Variants in SNUPN observed in about 807,000 individuals in gnomAD.
SNUPN encodes the protein snurportin 1, also known as snurportin-1.
In SNUPN, 31 loss-of-function variants were observed where a neutral mutation model predicts 39.2. The ratio of observed to expected loss-of-function variants is 0.79; its 90% CI spans 0.59 to 1.07. The LOEUF (loss-of-function observed/expected upper bound fraction) is 1.07, where lower values mean the gene tolerates loss of function less well. SNUPN is among the 50% of genes least tolerant of loss of function. The probability of loss-of-function intolerance (pLI) is 0.00; values close to 1 mark genes in which losing one functional copy is unlikely to be tolerated. For synonymous variants in SNUPN, 132 were observed against 159.0 expected (o/e 0.83, Z 1.28); for missense variants, 382 against 434.2 (o/e 0.88, Z 1.07).
chr15:75,605,441 C>T (rs1177305089), intron 6 of SNUPN: 7 of 377,408 alleles, frequency 1.9e-5, no homozygotes, highest in Admixed American at 4.3e-5. Context: ...GCTGGGACTA[C>T]AGGCGCCCAC....
At position 75,621,262 on chromosome 15, in the gene SNUPN, C is replaced by CTT. The variant is rs67400161; in HGVS notation, c.-5-208_-5-207dup. 7.6e-3 allele frequency among the ~76,000 whole-genome samples: 1,047 copies of CTT among 137,586 alleles called. 17 individuals are homozygous for CTT. Among genetic ancestry groups the CTT allele is most frequent in the African/African-American group, 0.023 (847 of 36,846 alleles). The allele number at this position is 137,586 out of a possible 152,430, so 90.3% of individuals were successfully genotyped here. On this transcript the variant is annotated intron_variant, in intron 1 of 8. Transcript: ENST00000308588. Reference sequence around the variant, plus strand: ...AACATTATTTTCCTACAGATATTTCCTTTTTTTTTTTTTTTTGAGACAGGG... The same window carrying CTT: ...AACATTATTTTCCTACAGATATTTCCTTTTTTTTTTTTTTTTTTGAGACAGGG...
rs2075257202 is a variant in SNUPN at position 75,598,299 on chromosome 15, TCCAGGATTCCTTTTGGGG to T, written c.*41_*58del. ...GTCACCTGTTGTCACTGTCCTCCTC[TCCAGGATTCCTTTTGGGG>T]CCAGGTACCATCCTGTGGCTCCTTA... On this transcript the variant is annotated 3_prime_UTR_variant, in exon 9 of 9. Transcript: ENST00000308588. 1.1e-5 allele frequency: 16 copies of T among 1,411,784 alleles called. 1 individual carries two copies. The South Asian group carries it at 2.1e-4, about 19-fold the overall frequency. 87.5% of individuals were successfully genotyped at this position (1,411,784 alleles called of 1,614,324 possible).
At chr15:75,602,541 A>AT (rs1483864307) in intron 7 of SNUPN, among the ~76,000 whole-genome samples, 41 of 151,798 alleles carry the variant, frequency 2.7e-4, no homozygotes, top group African/African-American at 8.9e-4. Flanking sequence ...AAAAAAAAAA[A>AT]ATATTACTGA....
At chr15:75,621,106 T>C (rs927831927) in intron 1 of SNUPN, 50 bp from the exon 2 acceptor site, 1 of 1,569,734 alleles carries the variant, frequency 6.4e-7, no homozygotes, top group African/African-American at 1.4e-5. Flanking sequence ...TATCATCTCC[T>C]GTATACAGAC....
chr15:75,602,573 T>G (rs930691998), intron 7 of SNUPN, among the ~76,000 whole-genome samples: 2 of 151,380 alleles, frequency 1.3e-5, no homozygotes, highest in African/African-American at 4.9e-5. Flanking sequence ...TACTCTGAGA[T>G]TCTGACTGAA....
intron 3 of SNUPN, among the ~76,000 whole-genome samples, chr15:75,610,226 C>T (rs1224007249): frequency 1.3e-5 from 2 of 151,662 alleles, no homozygotes; most frequent in Admixed American, 6.6e-5. Flanking sequence ...AGTGAAATCT[C>T]GTCTCTACTA....
In SNUPN at chr15:75,617,515, C is replaced by T; in HGVS notation, c.196G>A (p.Ala66Thr). The T allele has an allele frequency of 6.2e-7, 1 of 1,614,030 alleles. No homozygotes were observed. Among genetic ancestry groups the T allele is most frequent in the Non-Finnish European group, 8.5e-7 (1 of 1,180,002 alleles). ...LDYVNHARRL[A>T]EDDWTGMESE... ...TCCATCCCTGTCCAGTCATCTTCAG[C>T]CAGTCTTCTGGCATGGTTCACATAA... Residue 66 changes from alanine (A) to threonine (T), a missense_variant, in exon 3 of 9, where the codon GCT becomes ACT. Ala to Thr is a moderately conservative substitution (Grantham distance 58). Coordinates refer to ENST00000308588, the MANE Select transcript of SNUPN (RefSeq NM_005701.4).
intron 3 of SNUPN, among the ~76,000 whole-genome samples, chr15:75,615,823 T>A (rs891976534): frequency 6.6e-6 from 1 of 151,660 alleles, no homozygotes; most frequent in Non-Finnish European, 1.5e-5. Context: ...TTAGCCAGGA[T>A]GGTCTCGATC....
intron 2 of SNUPN, among the ~76,000 whole-genome samples, chr15:75,617,754 G>T (rs1892973528): frequency 6.6e-6 from 1 of 152,086 alleles, no homozygotes; most frequent in South Asian, 2.1e-4. Flanking sequence ...GCTAATTTTT[G>T]TATTTTTTGT....
chr15:75,608,077 G>T (rs1259137288), intron 5 of SNUPN, among the ~76,000 whole-genome samples: 1 of 152,056 alleles, frequency 6.6e-6, no homozygotes, highest in Admixed American at 6.6e-5. Context: ...GGTACTAAAC[G>T]CCAACAGAGA....
In SNUPN at chr15:75,601,219, C is replaced by G. The variant is rs774049450; in HGVS notation, c.679-1G>C. On this transcript the variant is annotated splice_acceptor_variant, in intron 7 of 8. Coordinates refer to ENST00000308588, the MANE Select transcript of SNUPN (RefSeq NM_005701.4). LOFTEE classifies it high-confidence loss of function. ...AGTTCTTTAGCCCCACAAATTTAAA[C>G]TGAAATAGAAATTAGAACAAGGAAT... is the stretch of plus-strand genomic sequence containing the variant. 1 of 1,604,932 alleles carries G rather than the reference C, an allele frequency of 6.2e-7. No homozygotes were observed. Among genetic ancestry groups the G allele is most frequent in the Non-Finnish European group, 8.5e-7 (1 of 1,171,898 alleles).
intron 3 of SNUPN, among the ~76,000 whole-genome samples, chr15:75,610,400 C>CAA (rs540383128): frequency 1.5e-4 from 9 of 61,102 alleles, no homozygotes; most frequent in Admixed American, 1.9e-4. Flanking sequence ...AACTCTGTCT[C>CAA]AAAAAAAAAA....
At chr15:75,609,484 C>T (rs1040302181) in intron 5 of SNUPN, 74 bp downstream of exon 5, 52 of 1,225,646 alleles carry the variant, frequency 4.2e-5, no homozygotes, top group African/African-American at 7.4e-5. Flanking sequence ...CCACCGCGCC[C>T]GGCCCAAAGT....
chr15:75,626,078 CG>C, upstream of SNUPN: 1 of 152,344 alleles, frequency 6.6e-6, no homozygotes, highest in South Asian at 2.1e-4. Context: ...CAGATCTTCC[CG>C]GGCCTTAGGG....
At chr15:75,621,719 C>T (rs1040667073) in intron 1 of SNUPN, among the ~76,000 whole-genome samples, 1 of 152,022 alleles carries the variant, frequency 6.6e-6, no homozygotes, top group Non-Finnish European at 1.5e-5. Flanking sequence ...TTCTAGGGTC[C>T]CTGGAGGAAG....
In SNUPN at chr15:75,618,054, C is replaced by T. The variant is rs1275939627; in HGVS notation, c.159-502G>A. ...CCTCAAAATCCTAAATAGCGAAACCCCCTCTGAATACACTCAGCCTTCCTC... is the reference window on the plus strand; with the variant it reads ...CCTCAAAATCCTAAATAGCGAAACCTCCTCTGAATACACTCAGCCTTCCTC... On this transcript the variant is annotated intron_variant, in intron 2 of 8. Coordinates refer to ENST00000308588, the MANE Select transcript of SNUPN (RefSeq NM_005701.4). 3.3e-5 allele frequency among the ~76,000 whole-genome samples: 5 copies of T among 152,118 alleles called. No homozygotes were observed. In the South Asian group the frequency reaches 8.3e-4, roughly 25 times the overall value.
intron 1 of SNUPN, among the ~76,000 whole-genome samples, chr15:75,623,037 T>C (rs921845073): frequency 6.6e-6 from 1 of 152,236 alleles, no homozygotes; most frequent in Non-Finnish European, 1.5e-5. Flanking sequence ...TAACCATTTG[T>C]AGGTGTACAG....
In SNUPN at chr15:75,610,030, G is replaced by A. The variant is rs772874603; in HGVS notation, c.304-36C>T. 2.7e-6 allele frequency: 4 copies of A among 1,500,348 alleles called. No homozygotes were observed. In the South Asian group the frequency reaches 4.5e-5, roughly 17 times the overall value. 92.9% of individuals were successfully genotyped at this position (1,500,348 alleles called of 1,614,324 possible). A position where few individuals can be genotyped will look rare whatever the true frequency, so the allele number is the denominator to read the frequency against. On this transcript the variant is annotated intron_variant, in intron 3 of 8. Coordinates refer to ENST00000308588, the MANE Select transcript of SNUPN (RefSeq NM_005701.4). ...AAAAAATAGTGTTAAAGATCAGCAG[G>A]GGTGTGCTACTCGAAAGTCTGCAAT...
chr15:75,609,500 T>G, intron 5 of SNUPN, 58 bp downstream of exon 5: 1 of 1,479,212 alleles, frequency 6.8e-7, no homozygotes, highest in Admixed American at 1.7e-5. Flanking sequence ...AAAGTGGGTC[T>G]TTAAAGCAAA....
Sources: allele counts gnomAD v4.1 joint callset (sites outside exome capture counted in the v4.1 genomes callset), GRCh38; gene constraint gnomAD v4.1.1; transcripts MANE v1.5; gene names NCBI Gene and HGNC (gene_info 2026-07-23, HGNC 2026-07-21).